PTPRD: variants seen among roughly 807,000 people sequenced by gnomAD.
PTPRD encodes receptor-type tyrosine-protein phosphatase delta.
A neutral mutation model predicts 214.5 loss-of-function variants in PTPRD; 34 were observed. The observed-to-expected ratio is 0.16, with a 90% confidence interval of 0.12 to 0.21. PTPRD has a LOEUF of 0.21. Among genes scored for constraint, PTPRD ranks in the 10% least tolerant of loss-of-function variants. PTPRD has a pLI of 1.00. For synonymous variants in PTPRD, 1,128 were observed against 845.7 expected (o/e 1.33, Z -5.79); for missense variants, 2,545 against 2,398.7 (o/e 1.06, Z -1.27).
chr9:8,919,415 C>T (rs929011131), intron 11 of PTPRD, among the ~76,000 whole-genome samples: 3 of 150,662 alleles, frequency 2.0e-5, no homozygotes, highest in Non-Finnish European at 3.0e-5. Context: ...AAAATTCAAC[C>T]AGATTTATCT....
At chr9:9,097,816 G>T (rs2099785860) in intron 10 of PTPRD, among the ~76,000 whole-genome samples, 1 of 152,062 alleles carries the variant, frequency 6.6e-6, no homozygotes, top group Non-Finnish European at 1.5e-5. Flanking sequence ...ATTTTTCACG[G>T]ATGCTTGTAT....
At chr9:9,233,232 C>G (rs1414417275) in intron 9 of PTPRD, among the ~76,000 whole-genome samples, 2 of 152,108 alleles carry the variant, frequency 1.3e-5, no homozygotes, top group African/African-American at 4.8e-5. Context: ...CTGAGGGTGG[C>G]AGGGGAGAGA....
intron 3 of PTPRD, among the ~76,000 whole-genome samples, chr9:10,139,520 A>G (rs138853125): frequency 0.024 from 3,614 of 152,232 alleles, 65 homozygotes; most frequent in Middle Eastern, 0.068. Context: ...ATTTGAAAAA[A>G]AAAGCTATTA....
chr9:9,016,459 T>C (rs376680374), intron 11 of PTPRD, among the ~76,000 whole-genome samples: 10 of 152,280 alleles, frequency 6.6e-5, no homozygotes, highest in East Asian at 1.9e-4. Context: ...CCTTAGATGA[T>C]TGATTTGAGA....
At chr9:9,895,711 A>T (rs1289365895) in intron 5 of PTPRD, among the ~76,000 whole-genome samples, 2 of 152,076 alleles carry the variant, frequency 1.3e-5, no homozygotes, top group East Asian at 3.9e-4. Flanking sequence ...TTCTTGAAAA[A>T]TGGTAAGAAT....
At chr9:8,748,531 AAAAAAAAAAGAAAAAG>A (rs2093127734) in intron 11 of PTPRD, among the ~76,000 whole-genome samples, 1 of 144,756 alleles carries the variant, frequency 6.9e-6, no homozygotes, top group Admixed American at 6.9e-5. Context: ...GCAAAAAAAA[AAAAAAAAAAGAAAAAG>A]AAAAAGAAAA....
At chr9:10,387,994 T>C (rs2097958519) in intron 2 of PTPRD, among the ~76,000 whole-genome samples, 1 of 151,460 alleles carries the variant, frequency 6.6e-6, no homozygotes, top group Non-Finnish European at 1.5e-5. Context: ...TCTCAAGCAT[T>C]GATCTTAAAT....
intron 16 of PTPRD, 26 bp downstream of exon 16, chr9:8,527,319 A>T: frequency 6.2e-7 from 1 of 1,602,798 alleles, no homozygotes; most frequent in South Asian, 1.1e-5. Context: ...GTGGGGTTGA[A>T]GTGCGCTTCA....
intron 3 of PTPRD, among the ~76,000 whole-genome samples, chr9:10,079,561 G>T (rs780088289): frequency 6.6e-6 from 1 of 152,052 alleles, no homozygotes; most frequent in Non-Finnish European, 1.5e-5. Flanking sequence ...GGGCATCAAG[G>T]ATAGAGATTT....
chr9:10,611,482 AG>A (rs2080951341), intron 2 of PTPRD, among the ~76,000 whole-genome samples: 1 of 152,226 alleles, frequency 6.6e-6, no homozygotes, highest in Non-Finnish European at 1.5e-5. Context: ...GGCAAATGTT[AG>A]ACTACATGTT....
chr9:9,436,803 G>A (rs954347352), intron 8 of PTPRD, among the ~76,000 whole-genome samples: 1 of 151,736 alleles, frequency 6.6e-6, no homozygotes, highest in African/African-American at 2.4e-5. Flanking sequence ...AATCTGTACC[G>A]CAGAATTTTC....
intron 8 of PTPRD, among the ~76,000 whole-genome samples, chr9:9,551,129 T>C (rs973341047): frequency 6.6e-6 from 1 of 151,982 alleles, no homozygotes; most frequent in Non-Finnish European, 1.5e-5. Flanking sequence ...AGAACTTATG[T>C]TCACCCTAAA....
intron 9 of PTPRD, among the ~76,000 whole-genome samples, chr9:9,371,058 T>C (rs1410148641): frequency 6.7e-6 from 1 of 149,034 alleles, no homozygotes; most frequent in Non-Finnish European, 1.5e-5. Context: ...ATTAAGGATA[T>C]TGGTCTAAAA....
At chr9:8,719,464 A>T (rs1269520291) in intron 12 of PTPRD, among the ~76,000 whole-genome samples, 1 of 152,218 alleles carries the variant, frequency 6.6e-6, no homozygotes, top group Non-Finnish European at 1.5e-5. Context: ...AACTAACTTC[A>T]TCAGGTTAAA....
intron 10 of PTPRD, among the ~76,000 whole-genome samples, chr9:9,072,541 A>T (rs907255419): frequency 6.6e-6 from 1 of 152,186 alleles, no homozygotes. Flanking sequence ...GAAATGTACA[A>T]GCTGTCTTTT....
chr9:9,592,396 T>G (rs570147202), intron 7 of PTPRD, among the ~76,000 whole-genome samples: 5 of 152,212 alleles, frequency 3.3e-5, no homozygotes, highest in Admixed American at 6.5e-5. Flanking sequence ...TTCCTCCATG[T>G]ATGCTTATAT....
At chr9:9,008,410 T>C (rs1589710037) in intron 11 of PTPRD, among the ~76,000 whole-genome samples, 1 of 151,470 alleles carries the variant, frequency 6.6e-6, no homozygotes, top group African/African-American at 2.4e-5. Flanking sequence ...TGTATTTTTA[T>C]TAGAGACGGG....
At chr9:9,065,149 G>C (rs1163066017) in intron 10 of PTPRD, among the ~76,000 whole-genome samples, 1 of 152,154 alleles carries the variant, frequency 6.6e-6, no homozygotes, top group Non-Finnish European at 1.5e-5. Flanking sequence ...TAATGGCAGA[G>C]ATAGGTAATA....
chr9:10,190,640 C>T (rs764623664), intron 3 of PTPRD, among the ~76,000 whole-genome samples: 2 of 146,916 alleles, frequency 1.4e-5, no homozygotes, highest in Admixed American at 1.4e-4. Context: ...ATTGCTTGAA[C>T]CTGGAAGGCA....
Sources: allele counts gnomAD v4.1 joint callset (sites outside exome capture counted in the v4.1 genomes callset), GRCh38; gene constraint gnomAD v4.1.1; transcripts MANE v1.5; gene names NCBI Gene and HGNC (gene_info 2026-07-23, HGNC 2026-07-21).